NCKAP5: variants seen among roughly 807,000 people sequenced by gnomAD.
NCKAP5 encodes nck-associated protein 5.
A neutral mutation model predicts 167.0 loss-of-function variants in NCKAP5; 92 were observed. The observed-to-expected ratio is 0.55, with a 90% CI of 0.47 to 0.66. The LOEUF is 0.66. NCKAP5 is among the 30% of genes least tolerant of loss of function. The pLI is 0.00. For missense variants in NCKAP5, 2,378 were observed against 2,315.0 expected (o/e 1.03, Z -0.56); for synonymous variants, 891 against 877.4 (o/e 1.02, Z -0.27).
chr2:133,096,757 C>T (rs1381604814), intron 6 of NCKAP5, among the ~76,000 whole-genome samples: 1 of 152,036 alleles, frequency 6.6e-6, no homozygotes, highest in African/African-American at 2.4e-5. Flanking sequence ...GTTTTAGCAG[C>T]CTAGAAGTTC....
Position 132,780,741 on chromosome 2 carries a change from G to C in NCKAP5, c.5049+311C>G, listed in dbSNP as rs184972800. On this transcript the variant is annotated intron_variant, in intron 15 of 19. Coordinates refer to ENST00000409261, the MANE Select transcript of NCKAP5 (RefSeq NM_207363.3). ...ATCATCAAAACAAATTTCCAGCCCAGTGGTGTAATTTGAAGATGATACCAG... is the reference window on the plus strand; with the variant it reads ...ATCATCAAAACAAATTTCCAGCCCACTGGTGTAATTTGAAGATGATACCAG... Among the ~76,000 whole-genome samples, 10 of 152,266 alleles carry C rather than the reference G, an allele frequency of 6.6e-5. No homozygotes were observed. In the East Asian group the frequency reaches 1.9e-3, roughly 29 times the overall value.
At chr2:133,298,438 C>G (rs1680117262) in intron 4 of NCKAP5, among the ~76,000 whole-genome samples, 1 of 152,130 alleles carries the variant, frequency 6.6e-6, no homozygotes, top group African/African-American at 2.4e-5. Context: ...AGTAACTGTA[C>G]AGAAAATTCT....
chr2:132,928,875 CT>C (rs1249889958), intron 8 of NCKAP5, among the ~76,000 whole-genome samples: 1 of 152,054 alleles, frequency 6.6e-6, no homozygotes, highest in Non-Finnish European at 1.5e-5. Context: ...AATCCCAACA[CT>C]TTGAGAGACC....
At chr2:133,071,314 G>A (rs531924448) in intron 6 of NCKAP5, among the ~76,000 whole-genome samples, 74 of 151,860 alleles carry the variant, frequency 4.9e-4, no homozygotes, top group African/African-American at 1.2e-3. Flanking sequence ...GCGTAGTGGC[G>A]GGCGCCTGTA....
the NCKAP5 span, among the ~76,000 whole-genome samples, chr2:133,609,133 A>G: frequency 3.3e-5 from 5 of 152,196 alleles, no homozygotes; most frequent in Non-Finnish European, 5.9e-5. Context: ...TCAGAATTCT[A>G]TAACTTCATT....
chr2:132,844,285 T>C (rs1229721388), intron 11 of NCKAP5, among the ~76,000 whole-genome samples: 1 of 152,174 alleles, frequency 6.6e-6, no homozygotes, highest in Non-Finnish European at 1.5e-5. Flanking sequence ...TAAATAATAC[T>C]TTTTAACTGT....
At position 133,231,057 on chromosome 2, in the gene NCKAP5, C is replaced by T. The variant is rs542561179; in HGVS notation, c.144-17278G>A. ...CCCAAGGGAAAGATATTGTGAGGCT[C>T]CCTCCAAACCATCTTATAAATCATA... On this transcript the variant is annotated intron_variant, in intron 4 of 19. Coordinates refer to ENST00000409261, the MANE Select transcript of NCKAP5 (RefSeq NM_207363.3). 9.2e-5 allele frequency among the ~76,000 whole-genome samples: 14 copies of T among 152,280 alleles called. No homozygotes were observed. The East Asian group carries it at 2.7e-3, about 29-fold the overall frequency.
At chr2:133,393,235 A>C (rs1313810973) in intron 3 of NCKAP5, among the ~76,000 whole-genome samples, 1 of 152,220 alleles carries the variant, frequency 6.6e-6, no homozygotes, top group Non-Finnish European at 1.5e-5. Context: ...ATTGAGTAAT[A>C]AACTCAGTTT....
At chr2:133,378,055 A>G (rs1201341926) in intron 3 of NCKAP5, among the ~76,000 whole-genome samples, 1 of 152,228 alleles carries the variant, frequency 6.6e-6, no homozygotes, top group Non-Finnish European at 1.5e-5. Flanking sequence ...GACAATCCCC[A>G]TAAAAAGATA....
intron 3 of NCKAP5, 33 bp downstream of exon 3, chr2:133,517,425 A>C (rs1281753779): frequency 7.7e-7 from 1 of 1,299,160 alleles, no homozygotes; most frequent in Non-Finnish European, 1.0e-6. Context: ...AAGCCAAAAC[A>C]TATAGAGTGG....
intron 3 of NCKAP5, among the ~76,000 whole-genome samples, chr2:133,338,137 A>G (rs1402621408): frequency 6.6e-6 from 1 of 152,162 alleles, no homozygotes; most frequent in East Asian, 1.9e-4. Context: ...TTTTGTTGAA[A>G]TCAAATATTT....
chr2:132,745,189 A>T (rs1679534272), intron 16 of NCKAP5, among the ~76,000 whole-genome samples: 1 of 151,874 alleles, frequency 6.6e-6, no homozygotes, highest in South Asian at 2.1e-4. Context: ...ACTCATGAAA[A>T]TGGATGCAAG....
chr2:133,004,401 T>C (rs2149341943), intron 6 of NCKAP5, among the ~76,000 whole-genome samples: 1 of 152,178 alleles, frequency 6.6e-6, no homozygotes, highest in East Asian at 1.9e-4. Flanking sequence ...CTCTGAGAAA[T>C]AAAGAGAAAG....
In NCKAP5 at chr2:133,213,763, C is replaced by G; in HGVS notation, c.160G>C (p.Ala54Pro). 2 of 1,613,764 alleles carry G rather than the reference C, an allele frequency of 1.2e-6. No individual in the cohort carries two copies. The highest frequency in any genetic ancestry group is 1.7e-6 in the Non-Finnish European group (2 of 1,179,784). The change falls in exon 5 of 20, where the codon GCC becomes CCC. Residue 54 changes from alanine to proline, a missense_variant. Physicochemically the swap from Ala to Pro is conservative, Grantham distance 27 (BLOSUM62 -1). Transcript: ENST00000409261. Reference sequence around the variant, plus strand: ...TGGGCAACTTCTCGCTGTAGTCGGGCCACTGCCAACTTCTCCCTGAAGAAA... The same window carrying G: ...TGGGCAACTTCTCGCTGTAGTCGGGGCACTGCCAACTTCTCCCTGAAGAAA... ...RSLWREKLAVARLQREVAQRT... is the reference protein window; with the variant it reads ...RSLWREKLAVPRLQREVAQRT...
intron 4 of NCKAP5, chr2:133,268,901 G>A (rs574848432): frequency 6.6e-6 from 1 of 152,198 alleles, no homozygotes; most frequent in African/African-American, 2.4e-5. Flanking sequence ...TTTCAAAAAG[G>A]GTCCTCTCTT....
chr2:132,726,212 G>T (rs1232904852), intron 18 of NCKAP5, among the ~76,000 whole-genome samples: 1 of 152,194 alleles, frequency 6.6e-6, no homozygotes, highest in Non-Finnish European at 1.5e-5. Context: ...GGGAACAAAA[G>T]AATAAATGTT....
chr2:133,458,540 C>T (rs1337863923), intron 3 of NCKAP5, among the ~76,000 whole-genome samples: 1 of 152,124 alleles, frequency 6.6e-6, no homozygotes, highest in Non-Finnish European at 1.5e-5. Flanking sequence ...CCTATCCCCA[C>T]AATGCACACC....
intron 8 of NCKAP5, among the ~76,000 whole-genome samples, chr2:132,922,419 T>C (rs1695513028): frequency 1.3e-5 from 2 of 152,224 alleles, no homozygotes; most frequent in African/African-American, 2.4e-5. Flanking sequence ...GCAAATGTGA[T>C]CATGCAATTC....
At chr2:132,777,128 G>A (rs1682621549) in intron 15 of NCKAP5, among the ~76,000 whole-genome samples, 1 of 152,210 alleles carries the variant, frequency 6.6e-6, no homozygotes, top group Non-Finnish European at 1.5e-5. Flanking sequence ...TTTGGTTTAA[G>A]TTACTTGTCA....
Sources: allele counts gnomAD v4.1 joint callset (sites outside exome capture counted in the v4.1 genomes callset), GRCh38; gene constraint gnomAD v4.1.1; transcripts MANE v1.5; gene names NCBI Gene and HGNC (gene_info 2026-07-23, HGNC 2026-07-21).